The following PRKCA variants were observed in gnomAD, a reference collection of about 807,000 sequenced individuals.
PRKCA encodes protein kinase C alpha type.
PRKCA carries 27 observed loss-of-function variants against 87.0 expected under a neutral mutation model. The ratio of observed to expected loss-of-function variants is 0.31; its 90% confidence interval spans 0.23 to 0.43. PRKCA has a LOEUF of 0.43. PRKCA is among the 20% of genes least tolerant of loss of function. The pLI, the probability that PRKCA is intolerant of heterozygous loss-of-function variation, is 1.00. For synonymous variants in PRKCA, 329 were observed against 311.1 expected, an observed-to-expected ratio of 1.06 and a Z score of -0.61; for missense variants, 518 against 852.3, an observed-to-expected ratio of 0.61 and a Z score of 4.88.
At chr17:66,540,518 C>T (rs1436039774) in intron 3 of PRKCA, among the ~76,000 whole-genome samples, 2 of 152,122 alleles carry the variant, frequency 1.3e-5, no homozygotes, top group African/African-American at 4.8e-5. Flanking sequence ...AGTTGGGTGG[C>T]GGGCTGCCGT....
chr17:66,732,767 G>A lies in PRKCA; in HGVS notation c.998G>A (p.Arg333Gln), dbSNP rs376086959. The A allele has an allele frequency of 5.0e-6, 8 of 1,614,196 alleles. No homozygotes were observed. The highest frequency in any genetic ancestry group is 1.7e-5 in the Admixed American group (1 of 60,016). Residue 333 changes from arginine (R) to glutamine (Q), a missense_variant, in exon 9 of 17, where the codon CGA (arginine) becomes CAA (glutamine). Arg to Gln is a conservative substitution (Grantham distance 43). This residue lies in a region of PRKCA where 300 missense variants were observed against 496.8 expected (regional missense o/e 0.60). Transcript: ENST00000413366. The stretch of plus-strand genomic sequence containing the variant: ...AAACAACCTTCCAACAACCTTGACC[G>A]AGTGAAACTCACGGACTTCAATTTC... Reference protein sequence around the residue: ...DRKQPSNNLDRVKLTDFNFLM... With the variant: ...DRKQPSNNLDQVKLTDFNFLM...
At chr17:66,514,246 C>T (rs1347397147) in intron 3 of PRKCA, among the ~76,000 whole-genome samples, 2 of 152,104 alleles carry the variant, frequency 1.3e-5, no homozygotes, top group African/African-American at 2.4e-5. Context: ...GGGATGTAGG[C>T]CCTACAGATA....
chr17:66,478,751 C>T lies in PRKCA; in HGVS notation c.206-17450C>T, dbSNP rs181945172. On this transcript the variant is annotated intron_variant, in intron 2 of 16. Coordinates refer to ENST00000413366, the MANE Select transcript of PRKCA (RefSeq NM_002737.3). ...ATTTTCCCAAACACTGCCCTAGAGA[C>T]AGCCCCGTATCACGTTGGTCTGTGT... 2.3e-3 allele frequency among the ~76,000 whole-genome samples: 279 copies of T among 121,988 alleles called. 1 individual carries two copies. Among genetic ancestry groups the T allele is most frequent in the Admixed American group, 0.012 (139 of 11,810 alleles). 80.0% of individuals were successfully genotyped at this position (121,988 alleles called of 152,430 possible). A position where few individuals can be genotyped will look rare whatever the true frequency, so the allele number is the denominator to read the frequency against.
chr17:66,772,167 C>T (rs781428141), intron 13 of PRKCA, among the ~76,000 whole-genome samples: 5 of 152,068 alleles, frequency 3.3e-5, no homozygotes, highest in African/African-American at 7.2e-5. Flanking sequence ...GTATCATCCC[C>T]GGGTAATAGA....
At chr17:66,690,360 G>C (rs1032995375) in intron 8 of PRKCA, among the ~76,000 whole-genome samples, 1 of 152,154 alleles carries the variant, frequency 6.6e-6, no homozygotes. Context: ...GGGTGAGCTG[G>C]TAAGCTTCAG....
At position 66,792,877 on chromosome 17, in the gene PRKCA, G is replaced by A. The variant is rs932902924; in HGVS notation, c.1854+3898G>A. 6.6e-6 allele frequency among the ~76,000 whole-genome samples: 1 copy of A among 152,224 alleles called. No individual in the cohort carries two copies. Among genetic ancestry groups the A allele is most frequent in the South Asian group, 2.1e-4 (1 of 4,830 alleles). ...CAGTGGCAAGCCTGGAGGCTGAGATGTGAGGGAAGAACCTGCCCCTGTGGC... is the reference window on the plus strand; with the variant it reads ...CAGTGGCAAGCCTGGAGGCTGAGATATGAGGGAAGAACCTGCCCCTGTGGC... On this transcript the variant is annotated intron_variant, in intron 16 of 16. Coordinates refer to ENST00000413366, the MANE Select transcript of PRKCA (RefSeq NM_002737.3). The surrounding 1 kb of genome is among the most constrained non-coding windows in gnomAD (Gnocchi z 4.5).
At chr17:66,336,399 A>G (rs1254245638) in intron 2 of PRKCA, among the ~76,000 whole-genome samples, 2 of 152,214 alleles carry the variant, frequency 1.3e-5, no homozygotes, top group African/African-American at 4.8e-5. Flanking sequence ...GTGATGTTTA[A>G]GCCAAAATCT....
At chr17:66,663,149 A>AG (rs1466272579) in intron 5 of PRKCA, among the ~76,000 whole-genome samples, 2 of 152,342 alleles carry the variant, frequency 1.3e-5, no homozygotes, top group East Asian at 3.9e-4. Flanking sequence ...ACTGGAAGAC[A>AG]GGGCTCCCTC....
At chr17:66,471,645 ATTTTTTTT>A (rs554913573) in intron 2 of PRKCA, among the ~76,000 whole-genome samples, 2 of 137,884 alleles carry the variant, frequency 1.5e-5, no homozygotes, top group African/African-American at 2.7e-5. Context: ...CTGTTTTCTA[ATTTTTTTT>A]TTTTTTTTTT....
intron 3 of PRKCA, among the ~76,000 whole-genome samples, chr17:66,558,563 G>A (rs930265914): frequency 3.9e-5 from 6 of 152,108 alleles, no homozygotes; most frequent in African/African-American, 1.4e-4. Context: ...AGGCAGACAG[G>A]GCCCAGTGCA....
At position 66,732,683 on chromosome 17, in the gene PRKCA, T is replaced by A; in HGVS notation, c.919-5T>A. ...ACGTGTTTCCCATTTGTGCTTGTTA[T>A]TTAGAAAGCCAAACTTGGCCCTGCT... On this transcript the variant is annotated splice_polypyrimidine_tract_variant and splice_region_variant and intron_variant, in intron 8 of 16. Coordinates refer to ENST00000413366, the MANE Select transcript of PRKCA (RefSeq NM_002737.3). 6.2e-7 allele frequency: 1 copy of A among 1,614,082 alleles called. No individual in the cohort carries two copies. The highest frequency in any genetic ancestry group is 8.5e-7 in the Non-Finnish European group (1 of 1,179,990).
At chr17:66,616,858 G>A (rs1233564545) in intron 3 of PRKCA, among the ~76,000 whole-genome samples, 1 of 151,948 alleles carries the variant, frequency 6.6e-6, no homozygotes, top group East Asian at 1.9e-4. Context: ...GGGCCAGGGA[G>A]CTGCTGTCAT....
At chr17:66,722,355 G>A (rs1973636220) in intron 8 of PRKCA, among the ~76,000 whole-genome samples, 1 of 152,152 alleles carries the variant, frequency 6.6e-6, no homozygotes, top group Non-Finnish European at 1.5e-5. Flanking sequence ...GATATACAAT[G>A]TAAGTCATTT....
intron 2 of PRKCA, among the ~76,000 whole-genome samples, chr17:66,370,954 G>C (rs1909073797): frequency 6.6e-6 from 1 of 152,190 alleles, no homozygotes; most frequent in Non-Finnish European, 1.5e-5. Context: ...GCAGGGGCAG[G>C]CTGGTTTGTA....
intron 8 of PRKCA, among the ~76,000 whole-genome samples, chr17:66,697,459 C>G (rs1164227067): frequency 1.3e-5 from 2 of 152,182 alleles, no homozygotes; most frequent in African/African-American, 4.8e-5. Context: ...GTAGGAAGAA[C>G]TAGTTTTACT....
intron 2 of PRKCA, among the ~76,000 whole-genome samples, chr17:66,459,662 AC>A (rs1914752838): frequency 6.6e-6 from 1 of 152,050 alleles, no homozygotes; most frequent in African/African-American, 2.4e-5. Flanking sequence ...GCAAAGAGAG[AC>A]CCATGGTTGC....
At chr17:66,802,734 A>G (rs1975929015) in intron 16 of PRKCA, among the ~76,000 whole-genome samples, 1 of 152,142 alleles carries the variant, frequency 6.6e-6, no homozygotes, top group Non-Finnish European at 1.5e-5. Context: ...TTGTTCTCCC[A>G]GTGTTACAGA....
chr17:66,632,317 A>C lies in PRKCA; in HGVS notation c.289-9038A>C, dbSNP rs536912983. Among the ~76,000 whole-genome samples, 48 of 152,264 alleles carry C rather than the reference A, an allele frequency of 3.2e-4. No homozygotes were observed. In the South Asian group the frequency reaches 8.9e-3, roughly 28 times the overall value. On this transcript the variant is annotated intron_variant, in intron 3 of 16. Transcript: ENST00000413366. ...CACACTTTCCCAGAGTCATTTACTT[A>C]TTTATCAATCTAGAAAAAAACTGTC...
chr17:66,403,470 T>C (rs4790912), intron 2 of PRKCA, among the ~76,000 whole-genome samples: 148,959 of 152,342 alleles, frequency 0.98, 72,853 homozygotes, highest in East Asian at 1. Context: ...AAATAAGGTG[T>C]TAGCATGATT....
Sources: allele counts gnomAD v4.1 joint callset (sites outside exome capture counted in the v4.1 genomes callset), GRCh38; gene constraint gnomAD v4.1.1; regional missense constraint gnomAD v4.1.1; non-coding constraint Gnocchi (gnomAD v3.1); transcripts MANE v1.5; gene names NCBI Gene and HGNC (gene_info 2026-07-23, HGNC 2026-07-21).